NECAB1: variants seen among roughly 807,000 people sequenced by gnomAD.
The protein encoded by NECAB1 is N-terminal EF-hand calcium-binding protein 1.
A neutral mutation model predicts 57.5 loss-of-function variants in NECAB1; 29 were observed. That is an observed-to-expected ratio of 0.50 (90% CI 0.38 to 0.69). NECAB1 has a LOEUF of 0.69. Among genes scored for constraint, NECAB1 ranks in the 30% least tolerant of loss-of-function variants. The pLI is 0.00. For synonymous variants in NECAB1, 142 were observed against 147.7 expected, an observed-to-expected ratio of 0.96 and a Z score of 0.28; for missense variants, 372 against 413.8, an observed-to-expected ratio of 0.90 and a Z score of 0.88.
chr8:90,815,863 C>A (rs1404341770), intron 2 of NECAB1, among the ~76,000 whole-genome samples: 1 of 151,848 alleles, frequency 6.6e-6, no homozygotes, highest in Non-Finnish European at 1.5e-5. Context: ...TGATTATGAA[C>A]AAAGCTGTGA....
intron 3 of NECAB1, among the ~76,000 whole-genome samples, chr8:90,858,024 TA>T (rs1183330413): frequency 1.3e-5 from 2 of 152,182 alleles, no homozygotes; most frequent in Non-Finnish European, 2.9e-5. Context: ...TGATTTTCAA[TA>T]AAAACAGCTT....
chr8:90,861,475 C>T (rs574130862), intron 3 of NECAB1, among the ~76,000 whole-genome samples: 17 of 152,238 alleles, frequency 1.1e-4, no homozygotes, highest in African/African-American at 3.1e-4. Context: ...ATGGAATAGG[C>T]TAGGCTTTGC....
At position 90,951,106 on chromosome 8, in the gene NECAB1, T is replaced by C; in HGVS notation, c.939-7T>C. On this transcript the variant is annotated splice_polypyrimidine_tract_variant and splice_region_variant and intron_variant, in intron 11 of 12. Transcript: ENST00000417640. ...TGCACAGCCTTAACCTATAATTATT[T>C]ATACAGCCACCTTCAGACAAATTAT... The C allele has an allele frequency of 6.4e-7, 1 of 1,560,378 alleles. No homozygotes were observed. Among genetic ancestry groups the C allele is most frequent in the Non-Finnish European group, 8.8e-7 (1 of 1,141,796 alleles).
At chr8:90,834,164 C>CAA (rs71560282) in intron 3 of NECAB1, among the ~76,000 whole-genome samples, 627 of 47,930 alleles carry the variant, frequency 0.013, 16 homozygotes, top group East Asian at 0.04. Flanking sequence ...AACTGTGTCT[C>CAA]AAAAAAAAAA....
intron 3 of NECAB1, among the ~76,000 whole-genome samples, chr8:90,836,617 G>T (rs1397819779): frequency 6.6e-6 from 1 of 152,144 alleles, no homozygotes; most frequent in African/African-American, 2.4e-5. Flanking sequence ...TTTGACTTCA[G>T]AGTGGCACAA....
At chr8:90,905,691 T>C (rs889146510) in intron 5 of NECAB1, among the ~76,000 whole-genome samples, 4 of 152,196 alleles carry the variant, frequency 2.6e-5, no homozygotes, top group Non-Finnish European at 5.9e-5. Flanking sequence ...TGCAAAATTA[T>C]CAGCAATTGT....
chr8:90,833,382 A>C (rs910949592), intron 3 of NECAB1, among the ~76,000 whole-genome samples: 6 of 125,490 alleles, frequency 4.8e-5, no homozygotes. Flanking sequence ...GTTTTCATCT[A>C]TTCCTCCCAA....
intron 2 of NECAB1, 94 bp from the exon 3 acceptor site, chr8:90,824,623 C>A: frequency 1.4e-6 from 1 of 717,510 alleles, no homozygotes; most frequent in Non-Finnish European, 2.3e-6. Context: ...CACGTGTGTA[C>A]ATGAACAAGC....
chr8:90,925,641 A>G lies in NECAB1; in HGVS notation c.601A>G (p.Asn201Asp). 6.2e-7 allele frequency: 1 copy of G among 1,613,882 alleles called. No individual in the cohort carries two copies. The highest frequency in any genetic ancestry group is 8.5e-7 in the Non-Finnish European group (1 of 1,179,828). Residue 201 changes from asparagine to aspartate, a missense_variant, in exon 7 of 13, where the codon AAT (asparagine) becomes GAT (aspartate). Transcript: ENST00000417640. ...NSFSPNSPQF[N>D]VSGPGLLEED... is the part of the protein sequence containing the mutation. The stretch of plus-strand genomic sequence containing the variant: ...CTTCTCCCCAAACAGCCCTCAGTTT[A>G]ATGTCAGCGGTCCAGGTAACATACC...
chr8:90,881,171 C>A (rs750274238), intron 5 of NECAB1, 41 bp downstream of exon 5: 4 of 1,367,130 alleles, frequency 2.9e-6, no homozygotes, highest in South Asian at 1.3e-5. Context: ...AAAATCTCTT[C>A]TTTGAAAAAG....
chr8:90,893,974 T>A (rs1399233343), intron 5 of NECAB1, among the ~76,000 whole-genome samples: 4 of 152,190 alleles, frequency 2.6e-5, no homozygotes, highest in Admixed American at 2.6e-4. Context: ...CATGATCTGC[T>A]CTGACATTTT....
intron 3 of NECAB1, among the ~76,000 whole-genome samples, chr8:90,841,648 C>T (rs1188182710): frequency 6.6e-6 from 1 of 152,112 alleles, no homozygotes; most frequent in African/African-American, 2.4e-5. Context: ...TTAGGGTTTA[C>T]TTCAGCAACA....
chr8:90,901,657 T>C (rs1809505632), intron 5 of NECAB1, among the ~76,000 whole-genome samples: 1 of 152,178 alleles, frequency 6.6e-6, no homozygotes, highest in East Asian at 1.9e-4. Context: ...TCTATGTCTT[T>C]AGTGGGTTTG....
intron 4 of NECAB1, among the ~76,000 whole-genome samples, chr8:90,880,217 G>A (rs903205970): frequency 6.6e-6 from 1 of 152,036 alleles, no homozygotes; most frequent in Admixed American, 6.5e-5. Context: ...GCACATTAAA[G>A]AGAGATGGCA....
intron 3 of NECAB1, among the ~76,000 whole-genome samples, chr8:90,863,629 A>G (rs1015764004): frequency 1.3e-5 from 2 of 152,212 alleles, no homozygotes; most frequent in Admixed American, 6.5e-5. Flanking sequence ...CATTTTATAT[A>G]GAAATTCCAC....
rs1296143396 is a variant in NECAB1, at chr8:90,956,944, G to A, written c.*1432G>A. Reference sequence around the variant, plus strand: ...ATTTTGATATATTGTACATACACACGTGTGTGTGTGTGTGTGTGTGTGTGT... The same window carrying A: ...ATTTTGATATATTGTACATACACACATGTGTGTGTGTGTGTGTGTGTGTGT... On this transcript the variant is annotated 3_prime_UTR_variant, in exon 13 of 13. Coordinates refer to ENST00000417640, the MANE Select transcript of NECAB1 (RefSeq NM_022351.5). The A allele has an allele frequency of 9.5e-5, 2 of 21,068 alleles. No individual in the cohort carries two copies. The highest frequency in any genetic ancestry group is 1.1e-3 in the South Asian group (1 of 916). 1.3% of individuals were successfully genotyped at this position (21,068 alleles called of 1,614,324 possible). A position where few individuals can be genotyped will look rare whatever the true frequency, so the allele number is the denominator to read the frequency against.
At chr8:90,849,328 G>A (rs1812634636) in intron 3 of NECAB1, among the ~76,000 whole-genome samples, 1 of 152,054 alleles carries the variant, frequency 6.6e-6, no homozygotes, top group South Asian at 2.1e-4. Flanking sequence ...AATTAGGTGA[G>A]TGCGGCAATG....
chr8:90,939,854 A>T (rs1221494637), intron 9 of NECAB1, among the ~76,000 whole-genome samples: 1 of 152,226 alleles, frequency 6.6e-6, no homozygotes, highest in African/African-American at 2.4e-5. Flanking sequence ...AAAACAGTAG[A>T]CCAGGGGTTT....
At chr8:90,922,722 A>T (rs765091138) in intron 6 of NECAB1, among the ~76,000 whole-genome samples, 23 of 151,806 alleles carry the variant, frequency 1.5e-4, no homozygotes, top group African/African-American at 5.1e-4. Context: ...TGAACTCCTG[A>T]CCTCAGGTGA....
Sources: allele counts gnomAD v4.1 joint callset (sites outside exome capture counted in the v4.1 genomes callset), GRCh38; gene constraint gnomAD v4.1.1; transcripts MANE v1.5; gene names NCBI Gene and HGNC (gene_info 2026-07-23, HGNC 2026-07-21).